The following PMEPA1 variants were observed in gnomAD, a reference collection of about 807,000 sequenced individuals.
PMEPA1 encodes prostate transmembrane protein, androgen induced 1.
In PMEPA1, 11 loss-of-function variants were observed where a neutral mutation model predicts 23.0. That is an observed-to-expected ratio of 0.48 (90% CI 0.30 to 0.79). PMEPA1 has a LOEUF of 0.79. Ranked by LOEUF, PMEPA1 falls within the 30% of genes least tolerant of loss-of-function variation. The pLI, the probability that PMEPA1 is intolerant of heterozygous loss-of-function variation, is 0.06. For missense variants in PMEPA1, 377 were observed against 390.9 expected (o/e 0.96, Z 0.30); for synonymous variants, 204 against 166.4 (o/e 1.23, Z -1.74).
At chr20:57,693,242 A>G (rs1310688006) in intron 1 of PMEPA1, among the ~76,000 whole-genome samples, 2 of 152,190 alleles carry the variant, frequency 1.3e-5, no homozygotes, top group Admixed American at 1.3e-4. Context: ...GTCAGGTAGG[A>G]GGCAGGCCCA....
At chr20:57,666,122 A>T (rs1182110339) in intron 1 of PMEPA1, among the ~76,000 whole-genome samples, 1 of 151,982 alleles carries the variant, frequency 6.6e-6, no homozygotes, top group Non-Finnish European at 1.5e-5. Context: ...ACACAAAATA[A>T]GGTCACTCTA....
chr20:57,695,629 A>G (rs2071934576), intron 1 of PMEPA1, among the ~76,000 whole-genome samples: 1 of 152,198 alleles, frequency 6.6e-6, no homozygotes, highest in Non-Finnish European at 1.5e-5. Context: ...CCCATCTCCC[A>G]AACTACTAGA....
At chr20:57,664,039 C>G (rs2146654314) in intron 1 of PMEPA1, among the ~76,000 whole-genome samples, 1 of 152,354 alleles carries the variant, frequency 6.6e-6, no homozygotes, top group African/African-American at 2.4e-5. Context: ...CCAGGAGACG[C>G]TCAGCTTTAG....
At chr20:57,680,264 C>T (rs2071694658) in intron 1 of PMEPA1, among the ~76,000 whole-genome samples, 1 of 152,206 alleles carries the variant, frequency 6.6e-6, no homozygotes, top group Admixed American at 6.5e-5. Context: ...TGGGGAGTCC[C>T]GTCAACACCC....
chr20:57,683,202 G>A lies in PMEPA1; in HGVS notation c.110-23505C>T, dbSNP rs1015158464. Among the ~76,000 whole-genome samples the A allele has an allele frequency of 9.2e-5, 14 of 152,132 alleles. No individual in the cohort carries two copies. The highest frequency in any genetic ancestry group is 9.7e-5 in the African/African-American group (4 of 41,402). On this transcript the variant is annotated intron_variant, in intron 1 of 3. Transcript: ENST00000341744. The surrounding 1 kb of genome is among the most constrained non-coding windows in gnomAD (Gnocchi z 4.3). ...AGAAAAAGAAGGCCAGGAGACACGC[G>A]ATCAATTATAAAAAGTGCAAAGAAA...
intron 1 of PMEPA1, among the ~76,000 whole-genome samples, chr20:57,681,033 A>G (rs1405633267): frequency 6.6e-6 from 1 of 152,228 alleles, no homozygotes; most frequent in Non-Finnish European, 1.5e-5. Context: ...GTCAATCTGC[A>G]GGACAACTTC....
chr20:57,661,342 T>C (rs1370122499), intron 1 of PMEPA1, among the ~76,000 whole-genome samples: 1 of 152,164 alleles, frequency 6.6e-6, no homozygotes, highest in South Asian at 2.1e-4. Context: ...GCCGGGTCCC[T>C]TGGAGTTGAC....
intron 1 of PMEPA1, among the ~76,000 whole-genome samples, chr20:57,676,723 C>T (rs2071641900): frequency 6.6e-6 from 1 of 152,116 alleles, no homozygotes; most frequent in African/African-American, 2.4e-5. Context: ...GGAGCTGGAC[C>T]CCCCATGACG....
chr20:57,703,761 A>C (rs1295995726), intron 1 of PMEPA1, among the ~76,000 whole-genome samples: 1 of 151,998 alleles, frequency 6.6e-6, no homozygotes, highest in African/African-American at 2.4e-5. Flanking sequence ...ATCACTAGGC[A>C]CTCTGTTACA....
chr20:57,653,491 T>C (rs1044340980), intron 2 of PMEPA1, among the ~76,000 whole-genome samples: 1 of 152,232 alleles, frequency 6.6e-6, no homozygotes, highest in Non-Finnish European at 1.5e-5. Context: ...GTGACCTGCG[T>C]CAAGTTACTT....
At chr20:57,668,385 C>A (rs1187652374) in intron 1 of PMEPA1, among the ~76,000 whole-genome samples, 2 of 152,198 alleles carry the variant, frequency 1.3e-5, no homozygotes, top group Non-Finnish European at 2.9e-5. Context: ...GAGAAGAAAA[C>A]GGAGAGATAA....
At position 57,709,657 on chromosome 20, in the gene PMEPA1, G is replaced by A; in HGVS notation, c.-75C>T. 1.0e-6 allele frequency: 1 copy of A among 975,886 alleles called. No homozygotes were observed. Among genetic ancestry groups the A allele is most frequent in the Non-Finnish European group, 1.2e-6 (1 of 823,762 alleles). The allele number at this position is 975,886 out of a possible 1,614,324, so 60.5% of individuals were successfully genotyped here. Reference sequence around the variant, plus strand: ...GGGGGGGCTCCGGCCGGCGCCCGGAGCTGGGGCCCCGCATGCAGGAGGCGC... The same window carrying A: ...GGGGGGGCTCCGGCCGGCGCCCGGAACTGGGGCCCCGCATGCAGGAGGCGC... On this transcript the variant is annotated 5_prime_UTR_variant, in exon 1 of 4. Coordinates refer to ENST00000341744, the MANE Select transcript of PMEPA1 (RefSeq NM_020182.5).
intron 1 of PMEPA1, among the ~76,000 whole-genome samples, chr20:57,673,400 C>A (rs182747746): frequency 4.7e-4 from 72 of 152,316 alleles, no homozygotes; most frequent in African/African-American, 1.6e-3. Context: ...AAGAAAATGT[C>A]TAAGTCATGA....
chr20:57,668,870 A>C (rs866663697), intron 1 of PMEPA1, among the ~76,000 whole-genome samples: 1 of 151,978 alleles, frequency 6.6e-6, no homozygotes, highest in Non-Finnish European at 1.5e-5. Flanking sequence ...TGCTCCCTTC[A>C]TTGCCTTGAT....
rs10629 is a variant in PMEPA1, at chr20:57,648,635, C to A, written c.*3418G>T. Reference sequence around the variant, plus strand: ...GCTGCAAAGGAGAGCAGTTCCCACGCCAGGAACCAACGTGAAAGCATTGGA... The same window carrying A: ...GCTGCAAAGGAGAGCAGTTCCCACGACAGGAACCAACGTGAAAGCATTGGA... On this transcript the variant is annotated 3_prime_UTR_variant, in exon 4 of 4. Transcript: ENST00000341744. 2,288 of 152,402 alleles carry A rather than the reference C, an allele frequency of 0.015. 56 individuals carry two copies. Among genetic ancestry groups the A allele is most frequent in the African/African-American group, 0.051 (2,097 of 41,498 alleles). The allele number at this position is 152,402 out of a possible 1,614,324, so 9.4% of individuals were successfully genotyped here.
At chr20:57,692,490 G>A (rs1302643322) in intron 1 of PMEPA1, among the ~76,000 whole-genome samples, 3 of 152,066 alleles carry the variant, frequency 2.0e-5, no homozygotes, top group South Asian at 2.1e-4. Context: ...TCCTGAGCCC[G>A]GTCCCCCTGA....
At chr20:57,711,355 C>G (rs1221457540), upstream of PMEPA1, 2 of 152,226 alleles carry the variant, frequency 1.3e-5, no homozygotes, top group Non-Finnish European at 2.9e-5. Flanking sequence ...CTGAAGAACT[C>G]AGAGAAAGCC....
At chr20:57,669,746 A>C (rs2071542282) in intron 1 of PMEPA1, among the ~76,000 whole-genome samples, 2 of 152,340 alleles carry the variant, frequency 1.3e-5, no homozygotes, top group African/African-American at 4.8e-5. Flanking sequence ...CCAGCAGGGC[A>C]TGCATGAAAC....
intron 1 of PMEPA1, chr20:57,690,456 T>G: frequency 7.7e-7 from 1 of 1,304,292 alleles, no homozygotes; most frequent in Non-Finnish European, 1.0e-6. Flanking sequence ...ATTCTTTGAA[T>G]TTTTCGTTAA....
Sources: gnomAD v4.1 joint callset for allele counts (sites outside exome capture counted in the v4.1 genomes callset) on GRCh38, gnomAD v4.1.1 for gene constraint, Gnocchi (gnomAD v3.1) non-coding constraint, MANE v1.5 for transcripts, NCBI Gene and HGNC (gene_info 2026-07-23, HGNC 2026-07-21) for gene names.